The following DOCK7 variants were observed in gnomAD, a reference collection of about 807,000 sequenced individuals.
DOCK7 encodes the protein dedicator of cytokinesis protein 7.
A neutral mutation model predicts 271.0 loss-of-function variants in DOCK7; 138 were observed. That is an observed-to-expected ratio of 0.51 (90% CI 0.44 to 0.59). The LOEUF (loss-of-function observed/expected upper bound fraction) is 0.59. DOCK7 is among the 20% of genes least tolerant of loss of function. The pLI, the probability that DOCK7 is intolerant of heterozygous loss-of-function variation, is 0.00. For missense variants in DOCK7, 2,066 were observed against 2,592.4 expected, an observed-to-expected ratio of 0.80 and a Z score of 4.41; for synonymous variants, 823 against 876.1, an observed-to-expected ratio of 0.94 and a Z score of 1.07.
intron 9 of DOCK7, 96 bp from the exon 10 acceptor site, chr1:62,633,674 T>C: frequency 3.7e-6 from 3 of 801,150 alleles, no homozygotes; most frequent in African/African-American, 1.7e-5. Flanking sequence ...ATTAACAGAA[T>C]GACAGAAAAA....
chr1:62,684,706 C>T (rs1661538997), intron 1 of DOCK7, among the ~76,000 whole-genome samples: 1 of 152,210 alleles, frequency 6.6e-6, no homozygotes, highest in Admixed American at 6.5e-5. Context: ...TTCCATAAAT[C>T]CATGGGCCTT....
At chr1:62,463,506 G>C (rs1645589273) in intron 48 of DOCK7, among the ~76,000 whole-genome samples, 1 of 152,108 alleles carries the variant, frequency 6.6e-6, no homozygotes, top group African/African-American at 2.4e-5. Flanking sequence ...AAATAAGGTA[G>C]ACGGATATTT....
At chr1:62,529,609 T>C (rs1177031059) in intron 29 of DOCK7, among the ~76,000 whole-genome samples, 163 bp from the exon 30 acceptor site, 2 of 152,184 alleles carry the variant, frequency 1.3e-5, no homozygotes, top group Non-Finnish European at 2.9e-5. Flanking sequence ...ACATTTCTCA[T>C]TTTAAAATAA....
intron 18 of DOCK7, among the ~76,000 whole-genome samples, chr1:62,569,826 A>G (rs1571591372): frequency 6.7e-6 from 1 of 149,454 alleles, no homozygotes; most frequent in Non-Finnish European, 1.5e-5. Flanking sequence ...CAATTCTTCC[A>G]CCTCAGCCTC....
chr1:62,607,535 C>T (rs1309336244), intron 14 of DOCK7, among the ~76,000 whole-genome samples: 5 of 152,158 alleles, frequency 3.3e-5, no homozygotes, highest in East Asian at 1.9e-4. Flanking sequence ...CCTAATTTTA[C>T]GTCCCTCTCC....
chr1:62,633,006 A>G (rs1266901761), intron 10 of DOCK7, among the ~76,000 whole-genome samples: 1 of 152,124 alleles, frequency 6.6e-6, no homozygotes, highest in Non-Finnish European at 1.5e-5. Context: ...GAAATTAGCC[A>G]TCTGATGGCA....
At chr1:62,648,344 A>G (rs778566660) in intron 5 of DOCK7, 26 bp from the exon 6 acceptor site, 4 of 1,451,048 alleles carry the variant, frequency 2.8e-6, no homozygotes, top group Non-Finnish European at 3.6e-6. Context: ...TTAAATATAA[A>G]TATATTAATT....
chr1:62,560,900 C>A (rs995739178), intron 19 of DOCK7, among the ~76,000 whole-genome samples: 1 of 152,160 alleles, frequency 6.6e-6, no homozygotes, highest in African/African-American at 2.4e-5. Flanking sequence ...GAAGGAAAAG[C>A]TCTTTCCTCA....
intron 18 of DOCK7, among the ~76,000 whole-genome samples, chr1:62,563,242 T>A (rs2149447392): frequency 6.6e-6 from 1 of 152,274 alleles, no homozygotes; most frequent in Non-Finnish European, 1.5e-5. Context: ...CCTTCACCTC[T>A]ACCTGACAGC....
intron 12 of DOCK7, chr1:62,625,052 C>A: frequency 2.5e-6 from 1 of 407,896 alleles, no homozygotes; most frequent in Non-Finnish European, 4.3e-6. Context: ...AACATTTCAA[C>A]ATTTAAATAA....
chr1:62,529,417 T>C lies in DOCK7; in HGVS notation c.3641A>G (p.Asn1214Ser), dbSNP rs372600148. The change falls in exon 30 of 50, where the codon AAT (asparagine) becomes AGT (serine). Residue 1214 changes from asparagine (N) to serine (S), a missense_variant. Coordinates refer to ENST00000635253, the MANE Select transcript of DOCK7 (RefSeq NM_001367561.1). Reference sequence around the variant, plus strand: ...ACTGGAGAGTAAATTGTGTACCATATTGATGACTTTCTTATGCAATCCAAA... The same window carrying C: ...ACTGGAGAGTAAATTGTGTACCATACTGATGACTTTCTTATGCAATCCAAA... ...GLFGLHKKVI[N>S]MVHNLLSSHD... 126 of 1,611,440 alleles carry C rather than the reference T, an allele frequency of 7.8e-5. No individual in the cohort carries two copies. Among genetic ancestry groups the C allele is most frequent in the South Asian group, 6.6e-4 (60 of 90,438 alleles).
chr1:62,586,378 T>C (rs536884471), intron 15 of DOCK7, 129 bp downstream of exon 15: 4 of 632,150 alleles, frequency 6.3e-6, no homozygotes, highest in Non-Finnish European at 1.1e-5. Context: ...ATACAGAAAG[T>C]AATGCAGTTA....
At chr1:62,678,496 A>G (rs2149765707) in intron 1 of DOCK7, among the ~76,000 whole-genome samples, 3 of 152,330 alleles carry the variant, frequency 2.0e-5, no homozygotes, top group Middle Eastern at 6.8e-3. Flanking sequence ...AACATAAAGA[A>G]GACCTAAATA....
intron 7 of DOCK7, among the ~76,000 whole-genome samples, chr1:62,646,717 C>T (rs1478936457): frequency 2.0e-5 from 3 of 152,162 alleles, no homozygotes; most frequent in East Asian, 1.9e-4. Flanking sequence ...TCTACTGTGT[C>T]AGCTACGCAT....
intron 42 of DOCK7, 31 bp from the exon 43 acceptor site, chr1:62,487,443 C>A: frequency 6.2e-7 from 1 of 1,607,090 alleles, no homozygotes; most frequent in South Asian, 1.1e-5. Flanking sequence ...AAGGGCAAGT[C>A]ATAAAAAAAC....
chr1:62,464,235 A>AT (rs1352849652), intron 48 of DOCK7, among the ~76,000 whole-genome samples: 1 of 151,464 alleles, frequency 6.6e-6, no homozygotes, highest in Non-Finnish European at 1.5e-5. Flanking sequence ...AATTTCTTGT[A>AT]TTTTTAGTAG....
chr1:62,485,606 T>C, intron 43 of DOCK7: 1 of 985,282 alleles, frequency 1.0e-6, no homozygotes, highest in Non-Finnish European at 1.2e-6. Flanking sequence ...AAAACAAAAT[T>C]ACTGAAGTTT....
chr1:62,650,028 T>C (rs1657140488), intron 4 of DOCK7, among the ~76,000 whole-genome samples: 1 of 152,186 alleles, frequency 6.6e-6, no homozygotes, highest in Non-Finnish European at 1.5e-5. Context: ...AGTAAGAGGA[T>C]GGCTTGAGGC....
In DOCK7 at chr1:62,542,525, G is replaced by T. The variant is rs184080579; in HGVS notation, c.3045+83C>A. The T allele has an allele frequency of 1.1e-4, 155 of 1,362,798 alleles. No individual in the cohort carries two copies. The East Asian group carries it at 3.4e-3, about 30-fold the overall frequency. The allele number at this position is 1,362,798 out of a possible 1,614,324, so 84.4% of individuals were successfully genotyped here. ...AGCGTTAAGATGTGCAACAGAAAAA[G>T]ATTTCTAAGGTAACAAATGAGCTAG... On this transcript the variant is annotated intron_variant, in intron 25 of 49. Coordinates refer to ENST00000635253, the MANE Select transcript of DOCK7 (RefSeq NM_001367561.1).
Sources: gnomAD v4.1 joint callset for allele counts (sites outside exome capture counted in the v4.1 genomes callset) on GRCh38, gnomAD v4.1.1 for gene constraint, MANE v1.5 for transcripts, NCBI Gene and HGNC (gene_info 2026-07-23, HGNC 2026-07-21) for gene names.